Variants in CTNNA2 observed in about 807,000 individuals in gnomAD.
CTNNA2 encodes the protein catenin alpha-2.
Under a neutral mutation model 101.0 loss-of-function variants are expected in CTNNA2, and 42 were observed. The observed-to-expected ratio is 0.42, with a 90% CI of 0.32 to 0.54. The LOEUF (loss-of-function observed/expected upper bound fraction) is 0.54. CTNNA2 is among the 20% of genes least tolerant of loss of function. The probability of loss-of-function intolerance (pLI) is 0.14; values close to 1 mark genes in which losing one functional copy is unlikely to be tolerated. For synonymous variants in CTNNA2, 450 were observed against 456.4 expected (o/e 0.99, Z 0.18); for missense variants, 871 against 1,223.1 (o/e 0.71, Z 4.29).
chr2:80,435,234 T>C (rs1238980893), intron 9 of CTNNA2, among the ~76,000 whole-genome samples: 1 of 152,214 alleles, frequency 6.6e-6, no homozygotes, highest in Non-Finnish European at 1.5e-5. Flanking sequence ...CAGTGCCCTA[T>C]ACCTACATCA....
At chr2:79,901,776 G>T (rs17040671) in intron 6 of CTNNA2, among the ~76,000 whole-genome samples, 2 of 151,944 alleles carry the variant, frequency 1.3e-5, no homozygotes, top group African/African-American at 4.8e-5. Flanking sequence ...ATAATCTGTG[G>T]GTAAAACCAT....
chr2:79,835,282 C>T (rs576638233), intron 3 of CTNNA2, among the ~76,000 whole-genome samples: 172 of 152,136 alleles, frequency 1.1e-3, no homozygotes, highest in Non-Finnish European at 2.0e-3. Context: ...ATACTGAGTC[C>T]ATATAAATCT....
At chr2:80,425,517 A>G (rs1680910671) in intron 9 of CTNNA2, among the ~76,000 whole-genome samples, 1 of 152,100 alleles carries the variant, frequency 6.6e-6, no homozygotes, top group Non-Finnish European at 1.5e-5. Flanking sequence ...ACAACCTTCC[A>G]ATCCTTCCCA....
chr2:80,024,253 T>G (rs900251043), intron 7 of CTNNA2, among the ~76,000 whole-genome samples: 9 of 152,178 alleles, frequency 5.9e-5, no homozygotes, highest in African/African-American at 1.9e-4. Flanking sequence ...GAATGCTGCC[T>G]CTATGAGTTT....
chr2:80,600,968 G>C (rs573234720), intron 15 of CTNNA2, among the ~76,000 whole-genome samples: 4 of 152,284 alleles, frequency 2.6e-5, no homozygotes, highest in African/African-American at 7.2e-5. Context: ...TCGACTAGTT[G>C]TAACTATTAC....
intron 7 of CTNNA2, among the ~76,000 whole-genome samples, chr2:80,310,201 A>G (rs534394359): frequency 7.9e-5 from 12 of 152,302 alleles, no homozygotes; most frequent in African/African-American, 2.6e-4. Context: ...TGCTAGTGGA[A>G]TTGGGTCCAA....
At chr2:80,591,491 C>G (rs1190559182) in intron 15 of CTNNA2, among the ~76,000 whole-genome samples, 1 of 67,338 alleles carries the variant, frequency 1.5e-5, no homozygotes, top group Admixed American at 1.6e-4. Context: ...AAACAGACAG[C>G]TGACTAGTGC....
intron 2 of CTNNA2, among the ~76,000 whole-genome samples, chr2:79,660,810 T>A (rs1380877495): frequency 6.6e-6 from 1 of 152,108 alleles, no homozygotes; most frequent in African/African-American, 2.4e-5. Context: ...ACTTGAGTAA[T>A]GTACAGAACC....
intron 4 of CTNNA2, among the ~76,000 whole-genome samples, chr2:79,499,640 A>T (rs915928572): frequency 6.6e-6 from 1 of 152,112 alleles, no homozygotes; most frequent in African/African-American, 2.4e-5. Flanking sequence ...CTATCTGCTG[A>T]TGCTCGTCTC....
At chr2:79,817,982 C>T (rs1268678835) in intron 3 of CTNNA2, among the ~76,000 whole-genome samples, 2 of 152,308 alleles carry the variant, frequency 1.3e-5, no homozygotes, top group East Asian at 1.9e-4. Context: ...TCACATTTAC[C>T]ATTTCGCATA....
intron 2 of CTNNA2, among the ~76,000 whole-genome samples, chr2:79,264,067 A>C (rs1674958872): frequency 6.6e-6 from 1 of 152,198 alleles, no homozygotes; most frequent in Non-Finnish European, 1.5e-5. Context: ...AAGAAATGTA[A>C]GTGAGTGGAA....
At chr2:79,916,992 G>A (rs1020478396) in intron 7 of CTNNA2, among the ~76,000 whole-genome samples, 3 of 152,024 alleles carry the variant, frequency 2.0e-5, no homozygotes, top group Non-Finnish European at 4.4e-5. Context: ...TATTGCCCAG[G>A]CTAGAGAGCA....
chr2:80,619,099 C>T lies in CTNNA2; in HGVS notation c.2445C>T (p.Ser815=). 2.0e-6 allele frequency: 3 copies of T among 1,523,806 alleles called. No homozygotes were observed. Among genetic ancestry groups the T allele is most frequent in the Non-Finnish European group, 2.6e-6 (3 of 1,132,746 alleles). The allele number at this position is 1,523,806 out of a possible 1,614,324, so 94.4% of individuals were successfully genotyped here. The part of the protein sequence containing the change: ...ELIVSGTGVQ[S]TFTTFYEVDC... Reference sequence around the variant, plus strand: ...TCGGAAATCAGACAGGAGTTCAGAGCACTTTCACTACCTTTTATGAGGTAG... The same window carrying T: ...TCGGAAATCAGACAGGAGTTCAGAGTACTTTCACTACCTTTTATGAGGTAG... The change falls in exon 18 of 19, where the codon AGC becomes AGT. Residue 815 remains serine (S), a synonymous_variant. Transcript: ENST00000402739.
chr2:80,493,670 G>A (rs559903459), intron 9 of CTNNA2, among the ~76,000 whole-genome samples: 1 of 152,152 alleles, frequency 6.6e-6, no homozygotes, highest in African/African-American at 2.4e-5. Flanking sequence ...TCCTTAGAAA[G>A]GACATCTAAT....
chr2:80,286,283 A>C (rs553035454), intron 7 of CTNNA2, among the ~76,000 whole-genome samples: 1 of 152,180 alleles, frequency 6.6e-6, no homozygotes, highest in Non-Finnish European at 1.5e-5. Flanking sequence ...ACCTCCTTCA[A>C]GTACTTTCTT....
At chr2:79,199,161 G>A (rs1289968014) in intron 2 of CTNNA2, among the ~76,000 whole-genome samples, 2 of 152,166 alleles carry the variant, frequency 1.3e-5, no homozygotes, top group Non-Finnish European at 2.9e-5. Flanking sequence ...GGAATGCAAA[G>A]TTTTCCACTG....
intron 18 of CTNNA2, among the ~76,000 whole-genome samples, chr2:80,624,385 CTTTGTTG>C (rs1249706171): frequency 6.6e-6 from 1 of 152,032 alleles, no homozygotes; most frequent in Admixed American, 6.6e-5. Flanking sequence ...GTGCTAAATT[CTTTGTTG>C]TTTGTTTTTC....
chr2:80,304,734 C>T (rs1332780226), intron 7 of CTNNA2: 1 of 152,696 alleles, frequency 6.5e-6, no homozygotes, highest in Admixed American at 6.6e-5. Context: ...GCACAGGCAC[C>T]TACTGCTCAC....
intron 16 of CTNNA2, among the ~76,000 whole-genome samples, chr2:80,606,367 AACAC>A (rs67402125): frequency 0.025 from 3,397 of 137,438 alleles, 53 homozygotes; most frequent in South Asian, 0.044. Flanking sequence ...AAACACATCA[AACAC>A]ACACACACAC....
Sources: gnomAD v4.1 joint callset for allele counts (sites outside exome capture counted in the v4.1 genomes callset) on GRCh38, gnomAD v4.1.1 for gene constraint, MANE v1.5 for transcripts, NCBI Gene and HGNC (gene_info 2026-07-23, HGNC 2026-07-21) for gene names.